Variants in GRIN2B observed in about 807,000 individuals in gnomAD.
GRIN2B encodes glutamate ionotropic receptor NMDA type subunit 2B, also known as glutamate receptor ionotropic, NMDA 2B.
Under a neutral mutation model 114.5 loss-of-function variants are expected in GRIN2B, and 5 were observed. That is an observed-to-expected ratio of 0.04 (90% CI 0.02 to 0.09). The LOEUF is 0.09. GRIN2B is among the 10% of genes least tolerant of loss of function. The pLI is 1.00. For missense variants in GRIN2B, 1,108 were observed against 1,943.5 expected (o/e 0.57, Z 8.08); for synonymous variants, 787 against 745.1 (o/e 1.06, Z -0.92).
At chr12:13,852,997 T>C (rs745670009) in intron 3 of GRIN2B, among the ~76,000 whole-genome samples, 1 of 152,074 alleles carries the variant, frequency 6.6e-6, no homozygotes, top group African/African-American at 2.4e-5. Flanking sequence ...ACCAAAACAC[T>C]TTCCCACTTG....
In GRIN2B at chr12:13,898,025, T is replaced by TAAATAAATAAAA. The variant is rs1555154316; in HGVS notation, c.-18-31800_-18-31799insTTTTATTTATTT. ...ATAAATAAATAAATAAATAAATAAA[T>TAAATAAATAAAA]AAAAAAGAAAGGGCTACCTTTATAC... On this transcript the variant is annotated intron_variant, in intron 2 of 13. Transcript: ENST00000609686. Among the ~76,000 whole-genome samples the TAAATAAATAAAA allele has an allele frequency of 8.7e-5, 13 of 148,914 alleles. No individual in the cohort carries two copies. The East Asian group carries it at 2.0e-3, about 23-fold the overall frequency.
At chr12:13,623,347 G>C (rs984057993) in intron 5 of GRIN2B, among the ~76,000 whole-genome samples, 1 of 152,204 alleles carries the variant, frequency 6.6e-6, no homozygotes, top group Non-Finnish European at 1.5e-5. Flanking sequence ...AAAAGGATAT[G>C]TATGTTTTTA....
At chr12:13,625,292 T>C (rs1022846248) in intron 5 of GRIN2B, among the ~76,000 whole-genome samples, 3 of 152,324 alleles carry the variant, frequency 2.0e-5, no homozygotes, top group Non-Finnish European at 4.4e-5. Context: ...GCAAACTTAC[T>C]GTGATCTAAG....
intron 3 of GRIN2B, among the ~76,000 whole-genome samples, chr12:13,801,049 C>A (rs1032642016): frequency 6.6e-6 from 1 of 152,064 alleles, no homozygotes; most frequent in Admixed American, 6.6e-5. Context: ...GCCTAATACG[C>A]CGGAGATTTA....
At chr12:13,767,905 C>T (rs139805941) in intron 3 of GRIN2B, among the ~76,000 whole-genome samples, 15 of 152,268 alleles carry the variant, frequency 9.9e-5, no homozygotes, top group Admixed American at 2.6e-4. Context: ...TCTTCGGTGA[C>T]GAAGGGTAAG....
intron 3 of GRIN2B, among the ~76,000 whole-genome samples, chr12:13,838,398 C>T (rs1357448892): frequency 6.6e-6 from 1 of 152,208 alleles, no homozygotes; most frequent in Admixed American, 6.5e-5. Context: ...CGAAGCACCC[C>T]AGTCCTTCAG....
At chr12:13,613,813 TC>T (rs2136477554) in intron 8 of GRIN2B, among the ~76,000 whole-genome samples, 1 of 152,218 alleles carries the variant, frequency 6.6e-6, no homozygotes, top group South Asian at 2.1e-4. Context: ...AATGTTGGCT[TC>T]TCTTATCCCT....
intron 10 of GRIN2B, among the ~76,000 whole-genome samples, chr12:13,595,830 G>A (rs1440515823): frequency 2.0e-5 from 3 of 152,148 alleles, no homozygotes; most frequent in African/African-American, 7.2e-5. Context: ...GGATTTATAG[G>A]TAGTTGGCCA....
At chr12:13,893,028 C>G (rs909107128) in intron 2 of GRIN2B, among the ~76,000 whole-genome samples, 1 of 151,944 alleles carries the variant, frequency 6.6e-6, no homozygotes, top group South Asian at 2.1e-4. Flanking sequence ...TCCCTGTGAC[C>G]CCTTGAGAAT....
chr12:13,746,886 C>T (rs1351002663), intron 4 of GRIN2B, among the ~76,000 whole-genome samples: 1 of 152,190 alleles, frequency 6.6e-6, no homozygotes, highest in Non-Finnish European at 1.5e-5. Flanking sequence ...CCTCCACCTT[C>T]CACCATGAGT....
rs75554453 is a variant in GRIN2B at position 13,642,409 on chromosome 12, G to A, written c.1126-25752C>T. 2.1e-4 allele frequency among the ~76,000 whole-genome samples: 32 copies of A among 152,208 alleles called. No individual in the cohort carries two copies. The East Asian group carries it at 5.6e-3, about 27-fold the overall frequency. Reference sequence around the variant, plus strand: ...CTTCTAGTTCCATCTCTGCTATTCAGCGTATGATCTTGGGTGAGTCACCAA... The same window carrying A: ...CTTCTAGTTCCATCTCTGCTATTCAACGTATGATCTTGGGTGAGTCACCAA... On this transcript the variant is annotated intron_variant, in intron 5 of 13. Coordinates refer to ENST00000609686, the MANE Select transcript of GRIN2B (RefSeq NM_000834.5).
chr12:13,619,408 T>C (rs1050279945), intron 5 of GRIN2B, among the ~76,000 whole-genome samples: 1 of 152,246 alleles, frequency 6.6e-6, no homozygotes, highest in African/African-American at 2.4e-5. Flanking sequence ...GATCCTACCT[T>C]GCTCTGTGTT....
chr12:13,957,906 A>G (rs908296920), intron 2 of GRIN2B, among the ~76,000 whole-genome samples: 1 of 152,180 alleles, frequency 6.6e-6, no homozygotes, highest in Non-Finnish European at 1.5e-5. Flanking sequence ...ATAAGGACAT[A>G]ACGAATCTGG....
In GRIN2B at chr12:13,972,683, C is replaced by T. The variant is rs566242300; in HGVS notation, c.-19+7245G>A. Among the ~76,000 whole-genome samples, 143 of 152,296 alleles carry T rather than the reference C, an allele frequency of 9.4e-4. 5 individuals are homozygous for T. The South Asian group carries it at 0.022, about 24-fold the overall frequency. ...GCTGACCACATTATGTGGCTTTAGGCCACATGGCCAACCTTAGGACTATTT... is the reference window on the plus strand; with the variant it reads ...GCTGACCACATTATGTGGCTTTAGGTCACATGGCCAACCTTAGGACTATTT... On this transcript the variant is annotated intron_variant, in intron 2 of 13. Transcript: ENST00000609686.
chr12:13,931,114 G>A (rs1232045413), intron 2 of GRIN2B, among the ~76,000 whole-genome samples: 5 of 152,222 alleles, frequency 3.3e-5, no homozygotes, highest in East Asian at 3.9e-4. Flanking sequence ...GTATAGAGGT[G>A]GTTTGAACAG....
intron 2 of GRIN2B, among the ~76,000 whole-genome samples, chr12:13,972,552 T>C (rs948164314): frequency 7.2e-5 from 11 of 152,174 alleles, no homozygotes; most frequent in African/African-American, 2.4e-4. Context: ...GCTATGTAGA[T>C]GAGCAAATGC....
chr12:13,663,525 G>C (rs1384852342), intron 5 of GRIN2B, among the ~76,000 whole-genome samples: 3 of 152,124 alleles, frequency 2.0e-5, no homozygotes, highest in African/African-American at 7.2e-5. Context: ...CAAAACTGAG[G>C]GGTTTCTAAT....
At chr12:13,629,150 T>A (rs936234108) in intron 5 of GRIN2B, among the ~76,000 whole-genome samples, 1 of 152,200 alleles carries the variant, frequency 6.6e-6, no homozygotes, top group African/African-American at 2.4e-5. Context: ...AAAACAAGAC[T>A]AAATACTTAA....
At chr12:13,685,935 T>G (rs1157405179) in intron 4 of GRIN2B, among the ~76,000 whole-genome samples, 1 of 152,054 alleles carries the variant, frequency 6.6e-6, no homozygotes, top group Admixed American at 6.6e-5. Context: ...TCTCTAACAG[T>G]AGGGTTGGTT....
Sources: gnomAD v4.1 joint callset for allele counts (sites outside exome capture counted in the v4.1 genomes callset) on GRCh38, gnomAD v4.1.1 for gene constraint, MANE v1.5 for transcripts, NCBI Gene and HGNC (gene_info 2026-07-23, HGNC 2026-07-21) for gene names.